Variants in PCDH15 observed in about 807,000 individuals in gnomAD.
PCDH15 encodes the protein protocadherin-15.
A neutral mutation model predicts 178.5 loss-of-function variants in PCDH15; 129 were observed. That is an observed-to-expected ratio of 0.72 (90% CI 0.63 to 0.84). The LOEUF (loss-of-function observed/expected upper bound fraction) is 0.84. PCDH15 is among the 40% of genes least tolerant of loss of function. The pLI is 0.00. For missense variants in PCDH15, 2,230 were observed against 2,099.9 expected, an observed-to-expected ratio of 1.06 and a Z score of -1.21; for synonymous variants, 800 against 732.0, an observed-to-expected ratio of 1.09 and a Z score of -1.50.
chr10:53,950,915 A>G (rs1447929805), intron 23 of PCDH15, among the ~76,000 whole-genome samples: 1 of 152,212 alleles, frequency 6.6e-6, no homozygotes, highest in African/African-American at 2.4e-5. Flanking sequence ...AGTGACAATG[A>G]GAGTATGCCT....
At position 55,356,041 on chromosome 10, in the gene PCDH15, TAA is replaced by T. The variant is rs539527165; in HGVS notation, c.-155-189392_-155-189391del. 3.2e-3 allele frequency among the ~76,000 whole-genome samples: 493 copies of T among 152,010 alleles called. 1 individual carries two copies. The highest frequency in any genetic ancestry group is 0.011 in the African/African-American group (467 of 41,548). ...AATATTTAATGTTCTTGATCTCTCATAAACCAGGTATATGCTGGATATGTAGC... is the reference window on the plus strand; with the variant it reads ...AATATTTAATGTTCTTGATCTCTCATACCAGGTATATGCTGGATATGTAGC... On this transcript the variant is annotated intron_variant, in intron 2 of 5. Transcript: ENST00000613346.
Position 55,128,926 on chromosome 10 carries a change from G to T in PCDH15, c.-80+37650C>A, listed in dbSNP as rs143252481. 4.0e-3 allele frequency among the ~76,000 whole-genome samples: 610 copies of T among 152,126 alleles called. 7 individuals are homozygous for T. Among genetic ancestry groups the T allele is most frequent in the African/African-American group, 0.014 (572 of 41,522 alleles). ...TAATTGCAGTAAATACAGAACTCCT[G>T]GGTCAGGAAGAAAGGACAGAAAGGA... is the stretch of plus-strand genomic sequence containing the variant. On this transcript the variant is annotated intron_variant, in intron 2 of 5. Coordinates refer to the PCDH15 transcript ENST00000458638.
chr10:54,449,974 A>G (rs1045651898), intron 3 of PCDH15, among the ~76,000 whole-genome samples: 3 of 151,626 alleles, frequency 2.0e-5, no homozygotes, highest in African/African-American at 4.8e-5. Flanking sequence ...TATCATCAGT[A>G]TAGAGAGTTC....
intron 2 of PCDH15, among the ~76,000 whole-genome samples, chr10:55,127,537 AT>A (rs2132073734): frequency 6.6e-6 from 1 of 152,168 alleles, no homozygotes; most frequent in East Asian, 1.9e-4. Flanking sequence ...TTTTGCTGTT[AT>A]TATTTTGTAC....
At chr10:54,613,828 C>A (rs2093044231) in intron 2 of PCDH15, among the ~76,000 whole-genome samples, 1 of 151,262 alleles carries the variant, frequency 6.6e-6, no homozygotes, top group Admixed American at 6.6e-5. Context: ...TATCCGGCAC[C>A]CACGAGAAAA....
intron 1 of PCDH15, among the ~76,000 whole-genome samples, chr10:54,770,863 G>T (rs1949011372): frequency 6.6e-6 from 1 of 151,860 alleles, no homozygotes; most frequent in Non-Finnish European, 1.5e-5. Context: ...CCTGAGTTTT[G>T]ATTGTTCAAA....
intron 3 of PCDH15, among the ~76,000 whole-genome samples, chr10:54,386,265 CAA>C (rs1175695043): frequency 1.5e-5 from 2 of 133,234 alleles, no homozygotes; most frequent in African/African-American, 2.8e-5. Context: ...TGATGAGTTA[CAA>C]AAAAAAAAAA....
At chr10:54,232,910 G>T (rs1372776088) in intron 9 of PCDH15, among the ~76,000 whole-genome samples, 8 of 123,212 alleles carry the variant, frequency 6.5e-5, no homozygotes, top group Non-Finnish European at 1.2e-4. Context: ...CTATTGTGTT[G>T]TTTAGCTTTC....
chr10:55,016,523 C>A (rs981489289), intron 2 of PCDH15, among the ~76,000 whole-genome samples: 4 of 152,104 alleles, frequency 2.6e-5, no homozygotes, highest in Non-Finnish European at 5.9e-5. Context: ...TCTTTCTGTG[C>A]CTGGCTTATT....
At chr10:55,474,699 G>A (rs748776643) in intron 2 of PCDH15, among the ~76,000 whole-genome samples, 8 of 152,178 alleles carry the variant, frequency 5.3e-5, no homozygotes, top group Admixed American at 6.5e-5. Context: ...GCTGGGAAGA[G>A]TTATGCCTGA....
rs61060705 is a variant in PCDH15 at position 54,527,737 on chromosome 10, C to T, written c.157+75G>A. Reference sequence around the variant, plus strand: ...AAACTTTCATTTTAGTACCTCTACTCATAGTAGATTGAGAATTAAAATCTG... The same window carrying T: ...AAACTTTCATTTTAGTACCTCTACTTATAGTAGATTGAGAATTAAAATCTG... On this transcript the variant is annotated intron_variant, in intron 3 of 37. Transcript: ENST00000644397. 4,056 of 1,258,748 alleles carry T rather than the reference C, an allele frequency of 3.2e-3. 108 individuals carry two copies. The African/African-American group carries it at 0.054, about 17-fold the overall frequency. 78.0% of individuals were successfully genotyped at this position (1,258,748 alleles called of 1,614,324 possible).
chr10:54,281,006 T>C (rs1411642221), intron 8 of PCDH15, among the ~76,000 whole-genome samples: 4 of 151,916 alleles, frequency 2.6e-5, no homozygotes, highest in Non-Finnish European at 5.9e-5. Flanking sequence ...TGTGTGTATG[T>C]ATATATACAC....
intron 3 of PCDH15, among the ~76,000 whole-genome samples, chr10:54,508,827 T>C (rs562404502): frequency 1.3e-5 from 2 of 152,186 alleles, no homozygotes; most frequent in South Asian, 4.1e-4. Flanking sequence ...TTACCTGAAA[T>C]GCTTGGGAAA....
At chr10:54,190,629 C>A (rs1195301049) in intron 11 of PCDH15, among the ~76,000 whole-genome samples, 1 of 152,190 alleles carries the variant, frequency 6.6e-6, no homozygotes, top group Non-Finnish European at 1.5e-5. Flanking sequence ...TGGTCTGGAA[C>A]TCCTGGCCTC....
chr10:54,945,578 G>A (rs140904732), intron 2 of PCDH15, among the ~76,000 whole-genome samples: 59 of 151,322 alleles, frequency 3.9e-4, no homozygotes, highest in African/African-American at 1.4e-3. Flanking sequence ...TAATTTTCAT[G>A]GTAAATATTC....
chr10:55,006,515 A>G (rs1398681335), intron 2 of PCDH15, among the ~76,000 whole-genome samples: 2 of 152,210 alleles, frequency 1.3e-5, no homozygotes, highest in East Asian at 3.8e-4. Flanking sequence ...TTGCATTAAG[A>G]GTCAAGAGAA....
chr10:55,196,746 G>C (rs1840102880), intron 1 of PCDH15, among the ~76,000 whole-genome samples: 1 of 151,938 alleles, frequency 6.6e-6, no homozygotes, highest in South Asian at 2.1e-4. Context: ...TTTATGTAAA[G>C]AAAAATTTTC....
chr10:54,350,428 T>G (rs570826560), intron 5 of PCDH15, among the ~76,000 whole-genome samples: 8 of 152,152 alleles, frequency 5.3e-5, no homozygotes, highest in Non-Finnish European at 8.8e-5. Context: ...GCCATTCATA[T>G]GTAAAATGCA....
chr10:54,738,798 A>T (rs1190509844), intron 1 of PCDH15, among the ~76,000 whole-genome samples: 1 of 152,088 alleles, frequency 6.6e-6, no homozygotes, highest in Non-Finnish European at 1.5e-5. Flanking sequence ...TCATTTCAAT[A>T]GATGCTGAAA....
Sources: allele counts gnomAD v4.1 joint callset (sites outside exome capture counted in the v4.1 genomes callset), GRCh38; gene constraint gnomAD v4.1.1; transcripts MANE v1.5; gene names NCBI Gene and HGNC (gene_info 2026-07-23, HGNC 2026-07-21).